The following NALF1 variants were observed in gnomAD, a reference collection of about 807,000 sequenced individuals.
NALF1 encodes the protein family with sequence similarity 155 member A.
In NALF1, 3 loss-of-function variants were observed where a neutral mutation model predicts 48.4. The ratio of observed to expected loss-of-function variants is 0.06; its 90% CI spans 0.03 to 0.16. NALF1 has a LOEUF of 0.16. Ranked by LOEUF, NALF1 falls within the 10% of genes least tolerant of loss-of-function variation. The probability of loss-of-function intolerance (pLI) is 1.00; values close to 1 mark genes in which losing one functional copy is unlikely to be tolerated. For missense variants in NALF1, 526 were observed against 571.5 expected, an observed-to-expected ratio of 0.92 and a Z score of 0.81; for synonymous variants, 262 against 245.7, an observed-to-expected ratio of 1.07 and a Z score of -0.62.
intron 1 of NALF1, among the ~76,000 whole-genome samples, chr13:107,664,342 C>T (rs186570777): frequency 6.6e-6 from 1 of 152,298 alleles, no homozygotes; most frequent in East Asian, 1.9e-4. Flanking sequence ...AGCCCCTCTC[C>T]AGCCTCACCT....
chr13:107,528,331 T>C (rs1461231745), intron 1 of NALF1, among the ~76,000 whole-genome samples: 6 of 152,150 alleles, frequency 3.9e-5, no homozygotes, highest in Admixed American at 3.9e-4. Context: ...TATATTCTGG[T>C]TAAAACAAAA....
At chr13:107,310,022 C>T (rs1882014297) in intron 1 of NALF1, among the ~76,000 whole-genome samples, 1 of 152,246 alleles carries the variant, frequency 6.6e-6, no homozygotes, top group South Asian at 2.1e-4. Context: ...CATGGCGCTA[C>T]CAATAAGTTG....
intron 1 of NALF1, among the ~76,000 whole-genome samples, chr13:107,786,756 A>G (rs987913558): frequency 1.5e-4 from 23 of 152,000 alleles, no homozygotes; most frequent in African/African-American, 3.4e-4. Context: ...GAGAGAGAGA[A>G]AGAGAGAGAG....
intron 1 of NALF1, among the ~76,000 whole-genome samples, chr13:107,262,450 C>A (rs1880946866): frequency 6.6e-6 from 1 of 152,078 alleles, no homozygotes; most frequent in Non-Finnish European, 1.5e-5. Flanking sequence ...GAAGCTGCAG[C>A]ATTTCTTTTG....
intron 1 of NALF1, among the ~76,000 whole-genome samples, chr13:107,303,649 A>G (rs1881880002): frequency 6.6e-6 from 1 of 152,160 alleles, no homozygotes; most frequent in African/African-American, 2.4e-5. Flanking sequence ...TTTTTTTCCC[A>G]CAGTCCCATT....
chr13:107,818,640 A>T (rs1033141480), intron 1 of NALF1, among the ~76,000 whole-genome samples: 1 of 112,442 alleles, frequency 8.9e-6, no homozygotes, highest in Non-Finnish European at 1.8e-5. Flanking sequence ...TGGGAGGCCG[A>T]GGCGGGCGGA....
chr13:107,713,859 A>G (rs1875672562), intron 1 of NALF1, among the ~76,000 whole-genome samples: 1 of 152,250 alleles, frequency 6.6e-6, no homozygotes, highest in Non-Finnish European at 1.5e-5. Flanking sequence ...CATGATTAGA[A>G]ACAAAACCTT....
chr13:107,419,408 T>C (rs1594053112), intron 1 of NALF1, among the ~76,000 whole-genome samples: 4 of 152,366 alleles, frequency 2.6e-5, no homozygotes, highest in Admixed American at 2.6e-4. Context: ...GCTGTAAAGC[T>C]AATCCTGTCA....
At chr13:107,328,683 C>T (rs1422575967) in intron 1 of NALF1, among the ~76,000 whole-genome samples, 4 of 152,148 alleles carry the variant, frequency 2.6e-5, no homozygotes, top group South Asian at 2.1e-4. Flanking sequence ...CCTGGAAAAA[C>T]AATTTTCTAA....
chr13:107,866,853 C>T lies in NALF1; in HGVS notation c.-257G>A. ...TTTGAAGGAAGGTCTGACTTGCTTC[C>T]TAATCATCAGCCGACCCCATCCTCT... On this transcript the variant is annotated 5_prime_UTR_variant, in exon 1 of 3. It removes the in-frame stop codon of an upstream open reading frame in the 5' UTR. Coordinates refer to ENST00000375915, the MANE Select transcript of NALF1 (RefSeq NM_001080396.3). The surrounding 1 kb of genome is among the most constrained non-coding windows in gnomAD (Gnocchi z 4.4). 1 of 519,766 alleles carries T rather than the reference C, an allele frequency of 1.9e-6. No homozygotes were observed. Among genetic ancestry groups the T allele is most frequent in the Non-Finnish European group, 3.4e-6 (1 of 295,474 alleles). 32.2% of individuals were successfully genotyped at this position (519,766 alleles called of 1,614,324 possible). A position where few individuals can be genotyped will look rare whatever the true frequency, so the allele number is the denominator to read the frequency against.
chr13:107,666,806 C>T (rs899242070), intron 1 of NALF1, among the ~76,000 whole-genome samples: 9 of 152,104 alleles, frequency 5.9e-5, no homozygotes, highest in African/African-American at 1.7e-4. Flanking sequence ...AATAATTTCA[C>T]GTTTTGATCC....
At chr13:107,837,798 C>G (rs1454563794) in intron 1 of NALF1, among the ~76,000 whole-genome samples, 1 of 152,088 alleles carries the variant, frequency 6.6e-6, no homozygotes, top group Non-Finnish European at 1.5e-5. Flanking sequence ...GAAAATGATA[C>G]TTTACCAGTT....
chr13:107,338,507 T>C (rs1203935637), intron 1 of NALF1, among the ~76,000 whole-genome samples: 1 of 152,232 alleles, frequency 6.6e-6, no homozygotes, highest in Non-Finnish European at 1.5e-5. Context: ...GCTGCCTGTG[T>C]TTGAATACTG....
intron 1 of NALF1, among the ~76,000 whole-genome samples, chr13:107,567,499 A>T (rs932157105): frequency 2.0e-5 from 3 of 152,248 alleles, no homozygotes; most frequent in Admixed American, 2.0e-4. Flanking sequence ...AAATAAATAC[A>T]GATTCATAGA....
At chr13:107,425,481 C>A (rs1884264387) in intron 1 of NALF1, among the ~76,000 whole-genome samples, 1 of 152,082 alleles carries the variant, frequency 6.6e-6, no homozygotes, top group African/African-American at 2.4e-5. Context: ...TATCAATGTA[C>A]TATGATGTTG....
At chr13:107,601,541 C>T (rs563791729) in intron 1 of NALF1, among the ~76,000 whole-genome samples, 3 of 152,200 alleles carry the variant, frequency 2.0e-5, no homozygotes, top group South Asian at 2.1e-4. Context: ...TATCAGGAGG[C>T]TTTGTTTGTA....
intron 1 of NALF1, among the ~76,000 whole-genome samples, chr13:107,519,509 G>C (rs1226650168): frequency 6.6e-6 from 1 of 152,100 alleles, no homozygotes; most frequent in Non-Finnish European, 1.5e-5. Context: ...ACTGTTTCAG[G>C]AGGACAGCAC....
chr13:107,251,876 G>T (rs1342187020), intron 1 of NALF1, among the ~76,000 whole-genome samples: 1 of 152,176 alleles, frequency 6.6e-6, no homozygotes, highest in African/African-American at 2.4e-5. Context: ...TTATTTTATA[G>T]TCTGATTTTT....
At chr13:107,680,730 T>C (rs980129241) in intron 1 of NALF1, among the ~76,000 whole-genome samples, 4 of 106,660 alleles carry the variant, frequency 3.8e-5, no homozygotes, top group African/African-American at 1.3e-4. Context: ...TGAGAGTGTA[T>C]GAGTGTGAAT....
Sources: allele counts gnomAD v4.1 joint callset (sites outside exome capture counted in the v4.1 genomes callset), GRCh38; gene constraint gnomAD v4.1.1; non-coding constraint Gnocchi (gnomAD v3.1); transcripts MANE v1.5; gene names NCBI Gene and HGNC (gene_info 2026-07-23, HGNC 2026-07-21).